The following PARL variants were observed in gnomAD, a reference collection of about 807,000 sequenced individuals.
PARL encodes the protein presenilin associated rhomboid like, also known as presenilin-associated rhomboid-like protein, mitochondrial.
Under a neutral mutation model 51.6 loss-of-function variants are expected in PARL, and 44 were observed. The ratio of observed to expected loss-of-function variants is 0.85; its 90% CI spans 0.67 to 1.10. The LOEUF (loss-of-function observed/expected upper bound fraction) is 1.10. Among genes scored for constraint, PARL ranks in the 50% least tolerant of loss-of-function variants. The pLI, the probability that PARL is intolerant of heterozygous loss-of-function variation, is 0.00. For synonymous variants in PARL, 172 were observed against 164.0 expected, an observed-to-expected ratio of 1.05 and a Z score of -0.37; for missense variants, 441 against 469.5, an observed-to-expected ratio of 0.94 and a Z score of 0.56.
At chr3:183,826,757 G>A (rs899042532), downstream of PARL, 3 of 985,308 alleles carry the variant, frequency 3.0e-6, no homozygotes, top group African/African-American at 5.2e-5. Context: ...ACAGGGGCCG[G>A]GTCAGAGTGA....
At chr3:183,866,847 G>A (rs1469788286) in intron 2 of PARL, 82 bp from the exon 3 acceptor site, 1 of 1,040,560 alleles carries the variant, frequency 9.6e-7, no homozygotes, top group South Asian at 1.3e-5. Context: ...ATTCTTCACT[G>A]TCATTGCTTT....
chr3:183,840,445 T>G, intron 7 of PARL, 125 bp downstream of exon 7: 1 of 562,144 alleles, frequency 1.8e-6, no homozygotes, highest in East Asian at 3.0e-5. Context: ...TCGATGTTAG[T>G]TAACAGTAGG....
chr3:183,879,567 G>T, intron 1 of PARL: 1 of 187,840 alleles, frequency 5.3e-6, no homozygotes, highest in Non-Finnish European at 9.9e-6. Context: ...CTACACTTTT[G>T]AACTTCATAA....
At chr3:183,882,245 TTATATA>T (rs71963110) in intron 1 of PARL, among the ~76,000 whole-genome samples, 31 of 29,346 alleles carry the variant, frequency 1.1e-3, no homozygotes, top group East Asian at 1.5e-3. Context: ...ATATATATAT[TTATATA>T]TATATATATA....
Position 183,876,599 on chromosome 3 carries a change from A to T in PARL, c.125+8123T>A, listed in dbSNP as rs1248538213. Among the ~76,000 whole-genome samples the T allele has an allele frequency of 1.4e-5, 2 of 145,778 alleles. 1 individual carries two copies. The highest frequency in any genetic ancestry group is 3.0e-5 in the Non-Finnish European group (2 of 67,166). ...ATTTTCTTTTTTTATTCCCCTAAGA[A>T]ATACATTTTGTAAAAAAAAAAAAAA... On this transcript the variant is annotated intron_variant, in intron 1 of 9. Transcript: ENST00000317096.
rs751895114 is a variant in PARL, at chr3:183,884,866, C to T, written c.-20G>A. ...CGCCATCTTCCCAACCTCTGCCCCA[C>T]CATGGCCCGACCTTACCAACCCCAG... On this transcript the variant is annotated 5_prime_UTR_variant, in exon 1 of 10. The change creates a new upstream start codon in the 5' untranslated region. Coordinates refer to ENST00000317096, the MANE Select transcript of PARL (RefSeq NM_018622.7). The T allele has an allele frequency of 1.8e-5, 28 of 1,596,542 alleles. No individual in the cohort carries two copies. The highest frequency in any genetic ancestry group is 2.3e-5 in the Non-Finnish European group (27 of 1,179,392).
downstream of PARL, among the ~76,000 whole-genome samples, chr3:183,827,938 A>T (rs181305364): frequency 1.2e-4 from 19 of 152,300 alleles, no homozygotes; most frequent in African/African-American, 4.3e-4. Flanking sequence ...TAGGTACCCC[A>T]CACTTCAGAT....
At chr3:183,861,311 G>A (rs1459179044) in intron 4 of PARL, 1 of 746,022 alleles carries the variant, frequency 1.3e-6, no homozygotes, top group East Asian at 1.3e-4. Flanking sequence ...TCACTCAACA[G>A]ATTTTAACTG....
intron 7 of PARL, among the ~76,000 whole-genome samples, chr3:183,836,411 C>T (rs528082178): frequency 1.3e-5 from 2 of 152,064 alleles, no homozygotes; most frequent in Admixed American, 6.5e-5. Context: ...AGAATTTTCT[C>T]GATGTGGCTT....
At chr3:183,831,890 G>T (rs903050611) in intron 9 of PARL, among the ~76,000 whole-genome samples, 1 of 152,134 alleles carries the variant, frequency 6.6e-6, no homozygotes, top group Non-Finnish European at 1.5e-5. Context: ...CCACCTTTCA[G>T]ACCCTGGACT....
intron 7 of PARL, 34 bp downstream of exon 7, chr3:183,840,536 T>C: frequency 9.5e-7 from 1 of 1,049,924 alleles, no homozygotes; most frequent in Non-Finnish European, 1.4e-6. Context: ...ATTTAAAAAT[T>C]AAATTAAAAA....
chr3:183,842,319 T>C lies in PARL; in HGVS notation c.736A>G (p.Met246Val), dbSNP rs909222615. 2.5e-6 allele frequency: 4 copies of C among 1,612,894 alleles called. No homozygotes were observed. The highest frequency in any genetic ancestry group is 2.2e-5 in the South Asian group (2 of 91,034). Residue 246 changes from methionine (M) to valine (V), a missense_variant, in exon 6 of 10, where the codon ATG becomes GTG. Met to Val is a conservative substitution (Grantham distance 21). Transcript: ENST00000317096. The stretch of plus-strand genomic sequence containing the variant: ...TTACCTGCAGATAGGTACACTGCCA[T>C]GAACTGCTCTTGACCCAGAATGTTC... ...IVNILGQEQF[M>V]AVYLSAGVIS...
At position 183,866,732 on chromosome 3, in the gene PARL, A is replaced by G; in HGVS notation, c.355T>C (p.Trp119Arg). 6.2e-7 allele frequency: 1 copy of G among 1,609,314 alleles called. No homozygotes were observed. The highest frequency in any genetic ancestry group is 1.1e-5 in the South Asian group (1 of 90,992). ...TGCAFGSAAI[W>R]QYESLKSRVQ... ...CTGGATTTCAGTGATTCATATTGCC[A>G]AATAGCAGCTGATCCAAATGCACAG... The change falls in exon 3 of 10, where the codon TGG becomes CGG. Residue 119 changes from tryptophan (W) to arginine (R), a missense_variant. Transcript: ENST00000317096.
At chr3:183,850,912 T>C (rs1730471766) in intron 4 of PARL, among the ~76,000 whole-genome samples, 2 of 152,156 alleles carry the variant, frequency 1.3e-5, no homozygotes, top group African/African-American at 2.4e-5. Context: ...AACACAAACC[T>C]ACAGGAATAA....
chr3:183,842,474 T>G, intron 5 of PARL, 27 bp from the exon 6 acceptor site: 1 of 1,606,996 alleles, frequency 6.2e-7, no homozygotes. Context: ...CATAGTCTGG[T>G]AATCATGAAA....
intron 1 of PARL, among the ~76,000 whole-genome samples, chr3:183,869,362 C>G (rs902028218): frequency 1.3e-5 from 2 of 152,088 alleles, no homozygotes; most frequent in African/African-American, 4.8e-5. Flanking sequence ...CACCCACCAC[C>G]ACACCTGGCT....
rs530345966 is a variant in PARL, at chr3:183,871,023, G to A, written c.126-2963C>T. 1.2e-4 allele frequency among the ~76,000 whole-genome samples: 18 copies of A among 151,918 alleles called. No individual in the cohort carries two copies. In the East Asian group the frequency reaches 1.4e-3, roughly 11 times the overall value. ...AATACTTATCTCCACTACTGCCCACGCCCCCATTAGATTACAGTTTTATAT... is the reference window on the plus strand; with the variant it reads ...AATACTTATCTCCACTACTGCCCACACCCCCATTAGATTACAGTTTTATAT... On this transcript the variant is annotated intron_variant, in intron 1 of 9. Transcript: ENST00000317096.
chr3:183,846,611 A>G, intron 4 of PARL: 1 of 985,422 alleles, frequency 1.0e-6, no homozygotes, highest in Non-Finnish European at 1.2e-6. Context: ...AATAATGAGT[A>G]CTGGCACTGA....
intron 1 of PARL, among the ~76,000 whole-genome samples, chr3:183,880,713 T>C (rs2108722562): frequency 6.6e-6 from 1 of 152,238 alleles, no homozygotes; most frequent in East Asian, 1.9e-4. Flanking sequence ...GCTCAGACTT[T>C]TTTTTTAATA....
Sources: allele counts gnomAD v4.1 joint callset (sites outside exome capture counted in the v4.1 genomes callset), GRCh38; gene constraint gnomAD v4.1.1; transcripts MANE v1.5; gene names NCBI Gene and HGNC (gene_info 2026-07-23, HGNC 2026-07-21).